RAB7B: variants seen among roughly 807,000 people sequenced by gnomAD.
RAB7B encodes ras-related protein Rab-7b.
intron 5 of RAB7B, chr1:205,984,042 C>A (rs1660545945): frequency 6.6e-6 from 1 of 152,240 alleles, no homozygotes; most frequent in Non-Finnish European, 1.5e-5. Flanking sequence ...AATATCACCA[C>A]CAAGGTCAAA....
At position 205,977,404 on chromosome 1, in the gene RAB7B, C is replaced by G. The variant is rs2102628499; in HGVS notation, c.*1447G>C. 1 of 152,316 alleles carries G rather than the reference C, an allele frequency of 6.6e-6. No homozygotes were observed. Among genetic ancestry groups the G allele is most frequent in the South Asian group, 2.1e-4 (1 of 4,834 alleles). The allele number at this position is 152,316 out of a possible 1,614,324, so 9.4% of individuals were successfully genotyped here. ...TATATATTGAAGTTTTTGCTCATTTCTTACTAGGCTTAAGAAATTGGAATT... is the reference window on the plus strand; with the variant it reads ...TATATATTGAAGTTTTTGCTCATTTGTTACTAGGCTTAAGAAATTGGAATT... On this transcript the variant is annotated 3_prime_UTR_variant, in exon 6 of 6. Transcript: ENST00000617070.
chr1:205,995,868 T>C (rs1396185430), intron 1 of RAB7B, among the ~76,000 whole-genome samples: 4 of 152,198 alleles, frequency 2.6e-5, no homozygotes, highest in Non-Finnish European at 4.4e-5. Context: ...TAATAGAGTT[T>C]ATATTAAGTG....
chr1:205,979,563 G>C (rs1321327518), intron 5 of RAB7B, among the ~76,000 whole-genome samples: 5 of 151,878 alleles, frequency 3.3e-5, no homozygotes, highest in Admixed American at 1.3e-4. Context: ...CCCCAGTTCA[G>C]GGGTTGGGGT....
rs978221238 is a variant in RAB7B, at chr1:206,002,559, G to A, written c.-17+694C>T. ...AAGATACAGACAAGTTACTATCTCC[G>A]TGGGACCTTTGTGGTGGGAGATTGA... On this transcript the variant is annotated intron_variant, in intron 1 of 5. Coordinates refer to ENST00000617070, the MANE Select transcript of RAB7B (RefSeq NM_001164522.3). Among the ~76,000 whole-genome samples, 877 of 152,278 alleles carry A rather than the reference G, an allele frequency of 5.8e-3. 9 individuals are homozygous for A. Among genetic ancestry groups the A allele is most frequent in the African/African-American group, 0.02 (836 of 41,548 alleles).
chr1:205,992,413 C>T (rs1425849882), intron 4 of RAB7B, 67 bp downstream of exon 4: 1 of 398,356 alleles, frequency 2.5e-6, no homozygotes, highest in Non-Finnish European at 4.4e-6. Flanking sequence ...TGGGACCTAA[C>T]ACTGTGCCTG....
chr1:206,001,007 A>G (rs990146930), intron 1 of RAB7B, among the ~76,000 whole-genome samples: 122,487 of 152,176 alleles, frequency 0.8, 49,430 homozygotes, highest in East Asian at 0.99. Context: ...CCTTTCCCCT[A>G]GATGCTCACT....
chr1:206,001,941 T>G (rs960288365), intron 1 of RAB7B, among the ~76,000 whole-genome samples: 2 of 152,140 alleles, frequency 1.3e-5, no homozygotes, highest in African/African-American at 4.8e-5. Context: ...TTCTGTCGCA[T>G]CTGCATTGGG....
intron 5 of RAB7B, among the ~76,000 whole-genome samples, chr1:205,980,847 TC>T (rs1369117329): frequency 1.4e-4 from 10 of 69,222 alleles, no homozygotes; most frequent in African/African-American, 5.2e-4. Flanking sequence ...CCCCTTTCCC[TC>T]CCCTTTCCTC....
At chr1:205,999,563 A>T (rs1571800689) in intron 1 of RAB7B, among the ~76,000 whole-genome samples, 1 of 152,202 alleles carries the variant, frequency 6.6e-6, no homozygotes, top group African/African-American at 2.4e-5. Context: ...GTAATTGGAC[A>T]ATATCAAAAC....
At chr1:205,979,515 C>T (rs907594491) in intron 5 of RAB7B, among the ~76,000 whole-genome samples, 3 of 152,292 alleles carry the variant, frequency 2.0e-5, no homozygotes, top group Admixed American at 6.5e-5. Context: ...TCTGCCTTTC[C>T]AGCTGGCTCC....
intron 4 of RAB7B, among the ~76,000 whole-genome samples, chr1:205,990,731 A>G (rs1660706645): frequency 6.6e-6 from 1 of 151,714 alleles, no homozygotes; most frequent in Non-Finnish European, 1.5e-5. Context: ...TGACCCACAG[A>G]AGAAAGGGCT....
chr1:205,999,340 T>C (rs1162696944), intron 1 of RAB7B, among the ~76,000 whole-genome samples: 2 of 152,194 alleles, frequency 1.3e-5, no homozygotes, highest in Non-Finnish European at 2.9e-5. Context: ...AGTTACCAAT[T>C]GAAATCTTAT....
rs978476226 is a variant in RAB7B, at chr1:205,986,866, G to A, written c.397-1201C>T. 9.4e-3 allele frequency among the ~76,000 whole-genome samples: 1,429 copies of A among 152,176 alleles called. 23 individuals carry two copies. Among genetic ancestry groups the A allele is most frequent in the African/African-American group, 0.033 (1,362 of 41,516 alleles). ...TCTCCCAGAACACAGTGCAGGCCGA[G>A]GCAAATCAAACACTGCCCCTGTTTA... On this transcript the variant is annotated intron_variant, in intron 4 of 5. Coordinates refer to ENST00000617070, the MANE Select transcript of RAB7B (RefSeq NM_001164522.3).
intron 4 of RAB7B, among the ~76,000 whole-genome samples, chr1:205,987,620 A>T (rs1660634328): frequency 6.6e-6 from 1 of 152,210 alleles, no homozygotes; most frequent in Non-Finnish European, 1.5e-5. Context: ...ACATGATCTT[A>T]AGTCTACGGA....
chr1:205,987,599 A>AT (rs1228569479), intron 4 of RAB7B, among the ~76,000 whole-genome samples: 26 of 152,364 alleles, frequency 1.7e-4, no homozygotes, highest in Middle Eastern at 6.8e-3. Flanking sequence ...AACAAAGGAT[A>AT]TTTTTAGAAA....
chr1:205,997,896 C>A (rs1487555838), intron 1 of RAB7B, among the ~76,000 whole-genome samples: 2 of 152,226 alleles, frequency 1.3e-5, no homozygotes, highest in Non-Finnish European at 2.9e-5. Flanking sequence ...AGAGGCAGCA[C>A]TGGCTGAGCC....
intron 3 of RAB7B, 132 bp downstream of exon 3, chr1:205,993,288 T>C (rs1660756137): frequency 2.5e-6 from 1 of 394,392 alleles, no homozygotes; most frequent in Non-Finnish European, 4.5e-6. Flanking sequence ...ATTTGGCCCA[T>C]GAGCTGAAGT....
chr1:205,990,006 C>A (rs959349109), intron 4 of RAB7B, among the ~76,000 whole-genome samples: 39 of 152,292 alleles, frequency 2.6e-4, no homozygotes, highest in Non-Finnish European at 5.1e-4. Flanking sequence ...TTCACTGACT[C>A]TCGGTCTTGA....
intron 4 of RAB7B, among the ~76,000 whole-genome samples, chr1:205,987,490 C>G (rs1465341155): frequency 1.3e-5 from 2 of 152,308 alleles, no homozygotes; most frequent in East Asian, 3.9e-4. Context: ...ATTTATGATG[C>G]TTTTCCATCT....
Sources: gnomAD v4.1 joint callset for allele counts (sites outside exome capture counted in the v4.1 genomes callset) on GRCh38, gnomAD v4.1.1 for gene constraint, MANE v1.5 for transcripts, NCBI Gene and HGNC (gene_info 2026-07-23, HGNC 2026-07-21) for gene names.